Variants in DOCK1 observed in about 807,000 individuals in gnomAD.
DOCK1 encodes dedicator of cytokinesis 1.
DOCK1 carries 138 observed loss-of-function variants against 262.7 expected under a neutral mutation model. The observed-to-expected ratio is 0.53, with a 90% CI of 0.46 to 0.61. The LOEUF (loss-of-function observed/expected upper bound fraction) is 0.61, where lower values mean the gene tolerates loss of function less well. Ranked by LOEUF, DOCK1 falls within the 20% of genes least tolerant of loss-of-function variation. The pLI, the probability that DOCK1 is intolerant of heterozygous loss-of-function variation, is 0.00. For missense variants in DOCK1, 1,908 were observed against 2,370.7 expected, an observed-to-expected ratio of 0.80 and a Z score of 4.05; for synonymous variants, 866 against 867.4, an observed-to-expected ratio of 1.00 and a Z score of 0.03.
chr10:127,383,992 G>A (rs1053784561), intron 37 of DOCK1, among the ~76,000 whole-genome samples: 5 of 152,026 alleles, frequency 3.3e-5, no homozygotes, highest in Admixed American at 6.5e-5. Context: ...CCTAGCTCAC[G>A]CAGTGTTGTT....
At chr10:127,300,631 C>T (rs901815793) in intron 29 of DOCK1, among the ~76,000 whole-genome samples, 1 of 152,220 alleles carries the variant, frequency 6.6e-6, no homozygotes, top group African/African-American at 2.4e-5. Context: ...TTCTGCTTCC[C>T]TTTCAGGCCT....
At chr10:126,966,274 G>C (rs1249944678) in intron 1 of DOCK1, among the ~76,000 whole-genome samples, 1 of 152,000 alleles carries the variant, frequency 6.6e-6, no homozygotes, top group African/African-American at 2.4e-5. Context: ...GTTGTTGGAC[G>C]CCTATGTTGA....
In DOCK1 at chr10:127,205,947, T is replaced by A. The variant is rs1006244551; in HGVS notation, c.2848-42061T>A. Among the ~76,000 whole-genome samples, 7 of 152,116 alleles carry A rather than the reference T, an allele frequency of 4.6e-5. No individual in the cohort carries two copies. In the East Asian group the frequency reaches 1.2e-3, roughly 25 times the overall value. On this transcript the variant is annotated intron_variant, in intron 27 of 51. Coordinates refer to ENST00000623213, the MANE Select transcript of DOCK1 (RefSeq NM_001290223.2). ...TGGGTATAATGCACTTTAAGCAAAC[T>A]CTTTACATGCAAGTATGACTTATCA... is the stretch of plus-strand genomic sequence containing the variant.
chr10:127,424,968 T>TG (rs1208364118), intron 46 of DOCK1, among the ~76,000 whole-genome samples: 1 of 152,248 alleles, frequency 6.6e-6, no homozygotes, highest in Non-Finnish European at 1.5e-5. Flanking sequence ...ATACATTTGA[T>TG]GCGTTGATTC....
rs75728160 is a variant in DOCK1, at chr10:127,435,250, T to G, written c.5060+1822T>G. The stretch of plus-strand genomic sequence containing the variant: ...ACCTCTAATTGTTTTACTGCTGATT[T>G]GTACAGTTGTTTGTGTGTCCAATCC... On this transcript the variant is annotated intron_variant, in intron 48 of 51. Transcript: ENST00000623213. 7.5e-3 allele frequency among the ~76,000 whole-genome samples: 1,136 copies of G among 152,332 alleles called. 15 individuals carry two copies. Among genetic ancestry groups the G allele is most frequent in the African/African-American group, 0.025 (1,044 of 41,570 alleles).
chr10:127,403,285 G>T (rs2067328824), intron 39 of DOCK1, 141 bp downstream of exon 39: 1 of 782,740 alleles, frequency 1.3e-6, no homozygotes, highest in Non-Finnish European at 2.0e-6. Context: ...TGCCTAGGAA[G>T]ATGGTTTTAG....
intron 27 of DOCK1, among the ~76,000 whole-genome samples, chr10:127,199,583 C>T (rs892127418): frequency 6.6e-6 from 1 of 152,148 alleles, no homozygotes; most frequent in African/African-American, 2.4e-5. Flanking sequence ...CAAAGGAAGC[C>T]AGACGCCCAG....
At chr10:127,160,514 T>C (rs903352472) in intron 27 of DOCK1, among the ~76,000 whole-genome samples, 2 of 152,354 alleles carry the variant, frequency 1.3e-5, no homozygotes, top group Non-Finnish European at 1.5e-5. Flanking sequence ...GTTGATTTGC[T>C]GCTCTTTTAA....
chr10:127,423,295 G>A (rs991888129), intron 46 of DOCK1, among the ~76,000 whole-genome samples: 3 of 152,166 alleles, frequency 2.0e-5, no homozygotes, highest in African/African-American at 7.2e-5. Context: ...CAGGACTCAT[G>A]TGCAGAGTTT....
intron 27 of DOCK1, among the ~76,000 whole-genome samples, chr10:127,153,579 G>T (rs988470698): frequency 1.3e-5 from 2 of 152,144 alleles, no homozygotes; most frequent in African/African-American, 4.8e-5. Flanking sequence ...CACACCTATC[G>T]ATTCCAAGGG....
At chr10:127,339,695 T>TG (rs770710473) in intron 30 of DOCK1, among the ~76,000 whole-genome samples, 1 of 109,742 alleles carries the variant, frequency 9.1e-6, no homozygotes, top group Non-Finnish European at 1.9e-5. Context: ...CTGGCCTGAT[T>TG]TGTGTGTGTG....
At chr10:127,027,479 A>G (rs2042948493) in intron 16 of DOCK1, among the ~76,000 whole-genome samples, 1 of 152,140 alleles carries the variant, frequency 6.6e-6, no homozygotes. Flanking sequence ...TCAGCTGCTC[A>G]GGAGGCTGAG....
chr10:127,387,140 C>G (rs11017775), intron 38 of DOCK1, among the ~76,000 whole-genome samples: 48,921 of 152,120 alleles, frequency 0.32, 8,248 homozygotes, highest in Admixed American at 0.47. Flanking sequence ...TGGCTGTTGC[C>G]GGGCTCTCTT....
chr10:127,310,022 C>G (rs1590379464), intron 29 of DOCK1, among the ~76,000 whole-genome samples: 1 of 152,006 alleles, frequency 6.6e-6, no homozygotes, highest in Non-Finnish European at 1.5e-5. Context: ...ACTACAAGCA[C>G]GTGCCACCAC....
At chr10:127,089,594 G>C (rs1448144472) in intron 23 of DOCK1, among the ~76,000 whole-genome samples, 1 of 152,180 alleles carries the variant, frequency 6.6e-6, no homozygotes, top group Non-Finnish European at 1.5e-5. Context: ...AGGAGAGGGG[G>C]CTGCCCCTGC....
At chr10:126,913,934 A>G (rs1040350779) in intron 1 of DOCK1, among the ~76,000 whole-genome samples, 1 of 152,200 alleles carries the variant, frequency 6.6e-6, no homozygotes, top group Non-Finnish European at 1.5e-5. Context: ...AAAACTGGTG[A>G]TAACACCAAC....
At chr10:127,030,492 G>T (rs1654855062) in intron 16 of DOCK1, among the ~76,000 whole-genome samples, 1 of 152,214 alleles carries the variant, frequency 6.6e-6, no homozygotes, top group Non-Finnish European at 1.5e-5. Context: ...CTTGGCTTAT[G>T]TGCTGTCCAG....
In DOCK1 at chr10:126,973,333, A is replaced by T. The variant is rs371612290; in HGVS notation, c.130+2548A>T. ...AACCTCTGCCTCCTGGGTTCAAGGG[A>T]TTCTCCTGCCTCAGCATCCTGAGTA... On this transcript the variant is annotated intron_variant, in intron 2 of 51. Transcript: ENST00000623213. Among the ~76,000 whole-genome samples the T allele has an allele frequency of 1.0e-3, 154 of 151,264 alleles. 1 individual carries two copies. The highest frequency in any genetic ancestry group is 3.6e-3 in the African/African-American group (150 of 41,194).
chr10:127,020,536 C>T (rs893780070), intron 13 of DOCK1, among the ~76,000 whole-genome samples: 1 of 151,514 alleles, frequency 6.6e-6, no homozygotes, highest in African/African-American at 2.4e-5. Flanking sequence ...CCACTGCACT[C>T]CAGCTTGAGT....
Sources: gnomAD v4.1 joint callset for allele counts (sites outside exome capture counted in the v4.1 genomes callset) on GRCh38, gnomAD v4.1.1 for gene constraint, MANE v1.5 for transcripts, NCBI Gene and HGNC (gene_info 2026-07-23, HGNC 2026-07-21) for gene names.